PRICKLE1: variants seen among roughly 807,000 people sequenced by gnomAD.
PRICKLE1 encodes prickle-like protein 1.
Under a neutral mutation model 70.2 loss-of-function variants are expected in PRICKLE1, and 14 were observed. The observed-to-expected ratio is 0.20, with a 90% confidence interval of 0.13 to 0.31. PRICKLE1 has a LOEUF of 0.31. Ranked by LOEUF, PRICKLE1 falls within the 10% of genes least tolerant of loss-of-function variation. The pLI is 1.00. For synonymous variants in PRICKLE1, 357 were observed against 379.9 expected, an observed-to-expected ratio of 0.94 and a Z score of 0.70; for missense variants, 821 against 1,026.2, an observed-to-expected ratio of 0.80 and a Z score of 2.73.
chr12:42,506,241 G>GTTTTTTTTTTTTTTTTT (rs774029085), intron 1 of PRICKLE1, among the ~76,000 whole-genome samples: 1 of 122,098 alleles, frequency 8.2e-6, no homozygotes. Flanking sequence ...AGTAAAAAAT[G>GTTTTTTTTTTTTTTTTT]TTCTTTTTTC....
rs192411168 is a variant in PRICKLE1, at chr12:42,468,933, A to G, written c.385-104T>C. On this transcript the variant is annotated intron_variant, in intron 4 of 7. Coordinates refer to ENST00000345127, the MANE Select transcript of PRICKLE1 (RefSeq NM_153026.3). ...TCTCGAATTTGTCAGGAATGTATTTATTTTTGCTACCTCTTTTAGTGATTA... is the reference window on the plus strand; with the variant it reads ...TCTCGAATTTGTCAGGAATGTATTTGTTTTTGCTACCTCTTTTAGTGATTA... 191 of 1,180,056 alleles carry G rather than the reference A, an allele frequency of 1.6e-4. No individual in the cohort carries two copies. In the African/African-American group the frequency reaches 2.5e-3, roughly 16 times the overall value. The allele number at this position is 1,180,056 out of a possible 1,614,324, so 73.1% of individuals were successfully genotyped here.
chr12:42,479,440 A>G (rs1938707394), intron 1 of PRICKLE1, among the ~76,000 whole-genome samples: 1 of 152,212 alleles, frequency 6.6e-6, no homozygotes, highest in African/African-American at 2.4e-5. Context: ...TGGTCTATGG[A>G]GCATGACAGT....
At chr12:42,476,526 G>A (rs534017667) in intron 1 of PRICKLE1, among the ~76,000 whole-genome samples, 1 of 152,202 alleles carries the variant, frequency 6.6e-6, no homozygotes, top group Admixed American at 6.5e-5. Flanking sequence ...ATGTTGGTCA[G>A]ACTGGTCTCA....
At position 42,468,644 on chromosome 12, in the gene PRICKLE1, C is replaced by T. The variant is rs1366014341; in HGVS notation, c.570G>A (p.Arg190=). The T allele has an allele frequency of 8.7e-6, 14 of 1,613,912 alleles. No homozygotes were observed. Among genetic ancestry groups the T allele is most frequent in the Non-Finnish European group, 9.3e-6 (11 of 1,179,978 alleles). Residue 190 remains arginine, a synonymous_variant, in exon 5 of 8, where the codon CGG becomes CGA. Coordinates refer to ENST00000345127, the MANE Select transcript of PRICKLE1 (RefSeq NM_153026.3). ...GRHHAELLKP[R]CSACDEIIFA... The stretch of plus-strand genomic sequence containing the variant: ...TTTTTACCTCGTCACATGCTGAGCA[C>T]CGTGGTTTGAGCAGTTCTGCATGGT...
At chr12:42,532,278 T>C (rs1203676529) in intron 1 of PRICKLE1, among the ~76,000 whole-genome samples, 5 of 152,178 alleles carry the variant, frequency 3.3e-5, no homozygotes, top group Non-Finnish European at 7.3e-5. Flanking sequence ...TATGTACAGG[T>C]GGTCAATGAG....
chr12:42,546,928 T>C (rs1048569777), intron 1 of PRICKLE1, among the ~76,000 whole-genome samples: 1 of 152,184 alleles, frequency 6.6e-6, no homozygotes, highest in Non-Finnish European at 1.5e-5. Context: ...TTTCAACTAT[T>C]TTGCAAGAAA....
At chr12:42,549,634 C>T (rs12818034) in intron 1 of PRICKLE1, among the ~76,000 whole-genome samples, 39,466 of 152,000 alleles carry the variant, frequency 0.26, 6,207 homozygotes, top group Admixed American at 0.4. Flanking sequence ...TAGACCCTTC[C>T]CTCTCTTCCC....
intron 1 of PRICKLE1, among the ~76,000 whole-genome samples, chr12:42,509,654 AG>A (rs1235360579): frequency 6.6e-6 from 1 of 152,190 alleles, no homozygotes; most frequent in African/African-American, 2.4e-5. Context: ...TGGGCAACAT[AG>A]CAAGACCTCG....
At chr12:42,546,741 G>A (rs572368957) in intron 1 of PRICKLE1, among the ~76,000 whole-genome samples, 8 of 152,236 alleles carry the variant, frequency 5.3e-5, no homozygotes, top group Admixed American at 2.0e-4. Context: ...GTGACACAGC[G>A]AGACTCCATC....
At chr12:42,573,277 C>T (rs1566132517) in intron 1 of PRICKLE1, among the ~76,000 whole-genome samples, 1 of 152,194 alleles carries the variant, frequency 6.6e-6, no homozygotes, top group Non-Finnish European at 1.5e-5. Flanking sequence ...AGGACCACTA[C>T]AAGATGTGCT....
At chr12:42,470,728 A>T (rs1037610805) in intron 2 of PRICKLE1, among the ~76,000 whole-genome samples, 5 of 152,152 alleles carry the variant, frequency 3.3e-5, no homozygotes, top group Non-Finnish European at 7.4e-5. Context: ...CAACACGGTG[A>T]AACCCTGTCT....
At chr12:42,561,793 T>G (rs1222112220) in intron 1 of PRICKLE1, among the ~76,000 whole-genome samples, 1 of 152,192 alleles carries the variant, frequency 6.6e-6, no homozygotes, top group East Asian at 1.9e-4. Context: ...GCAAGGCATA[T>G]TCCCAATTAA....
chr12:42,476,941 C>T (rs1055452703), intron 1 of PRICKLE1, among the ~76,000 whole-genome samples: 28 of 152,258 alleles, frequency 1.8e-4, no homozygotes, highest in African/African-American at 6.5e-4. Flanking sequence ...TGAGCCATGG[C>T]ACCTGACTTC....
At chr12:42,475,679 A>G (rs1938495647) in intron 1 of PRICKLE1, among the ~76,000 whole-genome samples, 1 of 152,204 alleles carries the variant, frequency 6.6e-6, no homozygotes, top group Non-Finnish European at 1.5e-5. Flanking sequence ...TGGCCTCATG[A>G]GCACTTGGTT....
intron 3 of PRICKLE1, 123 bp from the exon 4 acceptor site, chr12:42,469,710 C>G: frequency 7.9e-7 from 1 of 1,258,808 alleles, no homozygotes; most frequent in Non-Finnish European, 1.1e-6. Flanking sequence ...TGTCACACCC[C>G]CACGATTTTA....
chr12:42,528,418 A>G (rs1243074018), intron 1 of PRICKLE1, among the ~76,000 whole-genome samples: 3 of 152,224 alleles, frequency 2.0e-5, no homozygotes, highest in African/African-American at 7.2e-5. Flanking sequence ...GCAAAAATAA[A>G]TATATAAATA....
chr12:42,478,100 T>A (rs929065345), intron 1 of PRICKLE1, among the ~76,000 whole-genome samples: 1 of 152,060 alleles, frequency 6.6e-6, no homozygotes, highest in African/African-American at 2.4e-5. Flanking sequence ...TGCATCATCA[T>A]CCTCCCTCCC....
At chr12:42,523,896 T>C (rs1317544350) in intron 1 of PRICKLE1, among the ~76,000 whole-genome samples, 1 of 152,244 alleles carries the variant, frequency 6.6e-6, no homozygotes, top group Non-Finnish European at 1.5e-5. Context: ...GTAAATAACA[T>C]TTATCTTCAA....
rs542029566 is a variant in PRICKLE1 at position 42,466,379 on chromosome 12, A to G, written c.590T>C (p.Ile197Thr). The G allele has an allele frequency of 3.7e-5, 60 of 1,614,032 alleles. 1 individual carries two copies. In the South Asian group the frequency reaches 6.4e-4, roughly 17 times the overall value. Residue 197 changes from isoleucine to threonine, a missense_variant and splice_region_variant, in exon 6 of 8, where the codon ATA becomes ACA. Transcript: ENST00000345127. ...TTCTGTGCACTCATCAGCAAAAATT[A>G]TCTTCAAAAAGAAATGTGAAACCAG... Reference protein sequence around the residue: ...LKPRCSACDEIIFADECTEAE... With the variant: ...LKPRCSACDETIFADECTEAE...
Sources: gnomAD v4.1 joint callset for allele counts (sites outside exome capture counted in the v4.1 genomes callset) on GRCh38, gnomAD v4.1.1 for gene constraint, MANE v1.5 for transcripts, NCBI Gene and HGNC (gene_info 2026-07-23, HGNC 2026-07-21) for gene names.